The following ARMH3 variants were observed in gnomAD, a reference collection of about 807,000 sequenced individuals.
The protein encoded by ARMH3 is armadillo like helical domain containing 3.
Under a neutral mutation model 99.1 loss-of-function variants are expected in ARMH3, and 60 were observed. The observed-to-expected ratio is 0.61, with a 90% CI of 0.49 to 0.75. The LOEUF (loss-of-function observed/expected upper bound fraction) is 0.75, where lower values mean the gene tolerates loss of function less well. Among genes scored for constraint, ARMH3 ranks in the 30% least tolerant of loss-of-function variants. The probability of loss-of-function intolerance (pLI) is 0.00; values close to 1 mark genes in which losing one functional copy is unlikely to be tolerated. For missense variants in ARMH3, 679 were observed against 843.1 expected, an observed-to-expected ratio of 0.81 and a Z score of 2.41; for synonymous variants, 285 against 292.8, an observed-to-expected ratio of 0.97 and a Z score of 0.27.
intron 23 of ARMH3, among the ~76,000 whole-genome samples, chr10:101,905,075 T>C (rs2068071222): frequency 6.6e-6 from 1 of 152,202 alleles, no homozygotes; most frequent in African/African-American, 2.4e-5. Flanking sequence ...AAGACTATAT[T>C]TCCTATTGTC....
intron 20 of ARMH3, among the ~76,000 whole-genome samples, chr10:101,964,845 CAAAAAAAAA>C (rs545171779): frequency 1.0e-5 from 1 of 97,660 alleles, no homozygotes; most frequent in African/African-American, 3.8e-5. Context: ...CCGTCTTTAC[CAAAAAAAAA>C]AAAAAAAAAT....
intron 1 of ARMH3, among the ~76,000 whole-genome samples, chr10:102,041,291 A>G (rs1444788457): frequency 6.6e-6 from 1 of 150,732 alleles, no homozygotes; most frequent in Admixed American, 6.7e-5. Context: ...TATTCCCTTC[A>G]CCTCCCAGGT....
intron 20 of ARMH3, among the ~76,000 whole-genome samples, chr10:101,972,967 C>T (rs1397989349): frequency 6.6e-6 from 1 of 152,120 alleles, no homozygotes; most frequent in Admixed American, 6.5e-5. Flanking sequence ...CTGACCAACA[C>T]AGAATAAAGA....
At chr10:101,921,690 T>A (rs1216207741) in intron 23 of ARMH3, among the ~76,000 whole-genome samples, 2 of 152,004 alleles carry the variant, frequency 1.3e-5, no homozygotes, top group Non-Finnish European at 2.9e-5. Flanking sequence ...ACAACACAGA[T>A]GGAAAAGGAG....
intron 24 of ARMH3, among the ~76,000 whole-genome samples, chr10:101,885,131 G>A (rs1483994797): frequency 6.6e-6 from 1 of 151,984 alleles, no homozygotes; most frequent in East Asian, 1.9e-4. Context: ...CATTAGGATG[G>A]CTATTAAAAA....
intron 24 of ARMH3, among the ~76,000 whole-genome samples, chr10:101,872,648 CTA>C (rs1384985032): frequency 3.3e-5 from 5 of 151,896 alleles, no homozygotes; most frequent in Non-Finnish European, 4.4e-5. Context: ...CAAATTAAAA[CTA>C]ATAATATTAA....
intron 1 of ARMH3, among the ~76,000 whole-genome samples, chr10:102,053,518 A>C (rs1040753038): frequency 1.3e-5 from 2 of 151,946 alleles, no homozygotes; most frequent in African/African-American, 4.8e-5. Context: ...TACAGGTATA[A>C]GCCACCAGGC....
At chr10:101,879,234 C>T (rs1374944716) in intron 24 of ARMH3, among the ~76,000 whole-genome samples, 1 of 152,186 alleles carries the variant, frequency 6.6e-6, no homozygotes, top group Non-Finnish European at 1.5e-5. Context: ...TCAGACAGAC[C>T]TAGGTTCACT....
intron 23 of ARMH3, among the ~76,000 whole-genome samples, chr10:101,918,963 G>C (rs1843197531): frequency 6.6e-6 from 1 of 152,198 alleles, no homozygotes; most frequent in African/African-American, 2.4e-5. Context: ...ATTAGGCATG[G>C]AAGGCTTAAC....
At chr10:101,984,058 CT>C (rs1300665296) in intron 19 of ARMH3, among the ~76,000 whole-genome samples, 1 of 152,170 alleles carries the variant, frequency 6.6e-6, no homozygotes, top group Non-Finnish European at 1.5e-5. Flanking sequence ...CAGCTGCTAT[CT>C]GCTACAGAAC....
chr10:102,000,520 A>G (rs2066329974), intron 15 of ARMH3, among the ~76,000 whole-genome samples: 1 of 151,614 alleles, frequency 6.6e-6, no homozygotes, highest in Non-Finnish European at 1.5e-5. Flanking sequence ...GTACTTTGGG[A>G]GGCCAAGGCG....
chr10:101,927,439 A>G (rs182991642), intron 23 of ARMH3, among the ~76,000 whole-genome samples: 1 of 152,182 alleles, frequency 6.6e-6, no homozygotes, highest in Non-Finnish European at 1.5e-5. Context: ...CCAATCATCC[A>G]TTTCTTCTCC....
At chr10:101,957,880 G>C in intron 20 of ARMH3, 148 bp from the exon 21 acceptor site, 1 of 1,190,306 alleles carries the variant, frequency 8.4e-7, no homozygotes, top group Non-Finnish European at 1.1e-6. Context: ...AGGTAAGGTA[G>C]GTATATTTGA....
intron 1 of ARMH3, among the ~76,000 whole-genome samples, chr10:102,049,956 A>G (rs1020921380): frequency 4.6e-5 from 7 of 152,132 alleles, no homozygotes; most frequent in African/African-American, 1.7e-4. Flanking sequence ...GCTTCTCCCT[A>G]TCAGAATGTC....
intron 1 of ARMH3, among the ~76,000 whole-genome samples, chr10:102,046,197 A>AT (rs2067544957): frequency 6.6e-6 from 1 of 152,056 alleles, no homozygotes; most frequent in Non-Finnish European, 1.5e-5. Context: ...TTTTATCCTC[A>AT]TATCAACCCT....
At chr10:101,884,575 CA>C (rs2067494780) in intron 24 of ARMH3, among the ~76,000 whole-genome samples, 1 of 151,944 alleles carries the variant, frequency 6.6e-6, no homozygotes, top group Admixed American at 6.6e-5. Flanking sequence ...ATGTTAAATA[CA>C]AAAAGAGGTC....
chr10:101,885,796 G>A (rs1465330300), intron 24 of ARMH3, among the ~76,000 whole-genome samples: 2 of 152,222 alleles, frequency 1.3e-5, no homozygotes, highest in African/African-American at 4.8e-5. Flanking sequence ...GCTCACGCCT[G>A]TAATCCCAGC....
At chr10:101,849,670 A>C (rs983220054) in intron 25 of ARMH3, 106 bp downstream of exon 25, 1 of 876,350 alleles carries the variant, frequency 1.1e-6, no homozygotes, top group African/African-American at 1.7e-5. Flanking sequence ...ATCCCAGCAG[A>C]CCCCTCAAGT....
intron 2 of ARMH3, among the ~76,000 whole-genome samples, chr10:102,035,528 G>C (rs375934689): frequency 6.6e-5 from 10 of 152,182 alleles, no homozygotes; most frequent in South Asian, 2.1e-4. Context: ...CTCAGCCTGC[G>C]GAGTGCCTGC....
Sources: allele counts gnomAD v4.1 joint callset (sites outside exome capture counted in the v4.1 genomes callset), GRCh38; gene constraint gnomAD v4.1.1; transcripts MANE v1.5; gene names NCBI Gene and HGNC (gene_info 2026-07-23, HGNC 2026-07-21).